PRDM10: variants seen among roughly 807,000 people sequenced by gnomAD.
PRDM10 encodes PR domain zinc finger protein 10.
A neutral mutation model predicts 133.1 loss-of-function variants in PRDM10; 65 were observed. The ratio of observed to expected loss-of-function variants is 0.49; its 90% CI spans 0.40 to 0.60. The LOEUF is 0.60. Among genes scored for constraint, PRDM10 ranks in the 20% least tolerant of loss-of-function variants. The pLI is 0.00. For missense variants in PRDM10, 1,137 were observed against 1,507.1 expected (o/e 0.75, Z 4.07); for synonymous variants, 582 against 580.4 (o/e 1.00, Z -0.04).
chr11:129,992,799 G>A (rs1000929551), intron 1 of PRDM10, among the ~76,000 whole-genome samples: 13 of 152,158 alleles, frequency 8.5e-5, no homozygotes, highest in African/African-American at 2.9e-4. Flanking sequence ...AACTGAAGAA[G>A]ACATTGGATG....
rs1402908696 is a variant in PRDM10 at position 129,902,282 on chromosome 11, T to C, written c.*31A>G. 1 of 1,607,096 alleles carries C rather than the reference T, an allele frequency of 6.2e-7. No homozygotes were observed. The highest frequency in any genetic ancestry group is 8.5e-7 in the Non-Finnish European group (1 of 1,175,200). Reference sequence around the variant, plus strand: ...CAGACTTATGAGAACAGACATGAGGTGGGTGCTGGATTCAAGCTCCAGGGT... The same window carrying C: ...CAGACTTATGAGAACAGACATGAGGCGGGTGCTGGATTCAAGCTCCAGGGT... On this transcript the variant is annotated 3_prime_UTR_variant, in exon 21 of 21. Coordinates refer to ENST00000360871, the MANE Select transcript of PRDM10 (RefSeq NM_199437.2).
intron 1 of PRDM10, among the ~76,000 whole-genome samples, chr11:129,961,717 A>G (rs571761772): frequency 1.8e-4 from 28 of 152,172 alleles, no homozygotes; most frequent in Non-Finnish European, 3.5e-4. Context: ...AAGAAATTTT[A>G]AAAAAATAAT....
At position 129,902,614 on chromosome 11, in the gene PRDM10, AC is replaced by A; in HGVS notation, c.3268-99del. The A allele has an allele frequency of 4.0e-6, 6 of 1,483,174 alleles. No individual in the cohort carries two copies. The South Asian group carries it at 8.2e-5, about 20-fold the overall frequency. 91.9% of individuals were successfully genotyped at this position (1,483,174 alleles called of 1,614,324 possible). ...GAGATGTGAAGAAATGTCACAAGGG[AC>A]CCAAAATAGGCATCTATGAGAGATG... On this transcript the variant is annotated intron_variant, in intron 20 of 20. Transcript: ENST00000360871.
chr11:129,932,367 A>C, intron 9 of PRDM10, 136 bp from the exon 10 acceptor site: 1 of 1,141,470 alleles, frequency 8.8e-7, no homozygotes, highest in South Asian at 1.8e-5. Flanking sequence ...TCTCCAATAG[A>C]AACAACTGTT....
intron 1 of PRDM10, among the ~76,000 whole-genome samples, chr11:129,962,808 T>C (rs1476281370): frequency 2.0e-5 from 3 of 152,150 alleles, no homozygotes; most frequent in African/African-American, 7.2e-5. Flanking sequence ...CTATGGTATA[T>C]AAACTATATC....
intron 1 of PRDM10, among the ~76,000 whole-genome samples, chr11:130,000,414 G>C (rs1299131372): frequency 6.6e-6 from 1 of 152,186 alleles, no homozygotes. Flanking sequence ...CAGGCAAGCA[G>C]AAACTTAGGT....
At chr11:129,961,838 T>C (rs1378122233) in intron 1 of PRDM10, among the ~76,000 whole-genome samples, 2 of 152,158 alleles carry the variant, frequency 1.3e-5, no homozygotes, top group African/African-American at 4.8e-5. Flanking sequence ...TGTGTATACA[T>C]AAATGTGTGC....
At chr11:129,980,444 C>T (rs996792048) in intron 1 of PRDM10, among the ~76,000 whole-genome samples, 4 of 152,066 alleles carry the variant, frequency 2.6e-5, no homozygotes, top group African/African-American at 7.3e-5. Flanking sequence ...TCAAGATGCT[C>T]ACTCCTTTTG....
rs1443569996 is a variant in PRDM10, at chr11:129,910,585, G to A, written c.3054C>T (p.Gly1018=). 5.0e-6 allele frequency: 8 copies of A among 1,613,878 alleles called. No homozygotes were observed. The highest frequency in any genetic ancestry group is 6.8e-6 in the Non-Finnish European group (8 of 1,179,954). Residue 1018 remains glycine, a synonymous_variant, in exon 19 of 21, where the codon GGC becomes GGT. Coordinates refer to ENST00000360871, the MANE Select transcript of PRDM10 (RefSeq NM_199437.2). ...QQGLSPSHIQ[G]SSSTQGQALQ... ...GAGCCTGCCCCTGTGTGGAAGAACT[G>A]CCCTGGATGTGGGAGGGGCTGAGCC...
rs1487919562 is a variant in PRDM10, at chr11:129,929,291, T to C, written c.1530+1725A>G. On this transcript the variant is annotated intron_variant, in intron 11 of 20. Transcript: ENST00000360871. ...AATTATCATTATTCATTAATTTGCA[T>C]TTACTGTAGCAACCAAACTGTGGTT... The C allele has an allele frequency of 4.4e-6, 4 of 913,444 alleles. No individual in the cohort carries two copies. The African/African-American group carries it at 6.9e-5, about 16-fold the overall frequency. 56.6% of individuals were successfully genotyped at this position (913,444 alleles called of 1,614,324 possible). A position where few individuals can be genotyped will look rare whatever the true frequency, so the allele number is the denominator to read the frequency against.
At chr11:129,940,396 A>G (rs1951169803) in intron 7 of PRDM10, among the ~76,000 whole-genome samples, 1 of 152,244 alleles carries the variant, frequency 6.6e-6, no homozygotes, top group Non-Finnish European at 1.5e-5. Context: ...TATTTTTGCT[A>G]TATACTTCCA....
intron 12 of PRDM10, among the ~76,000 whole-genome samples, 177 bp downstream of exon 12, chr11:129,924,705 G>T (rs1045893867): frequency 2.0e-5 from 3 of 152,096 alleles, no homozygotes; most frequent in Non-Finnish European, 4.4e-5. Flanking sequence ...ACAATTAAGG[G>T]TCATAATAAT....
At chr11:129,935,268 G>A (rs1451865025) in intron 8 of PRDM10, 50 bp from the exon 9 acceptor site, 1 of 1,404,398 alleles carries the variant, frequency 7.1e-7, no homozygotes, top group Admixed American at 1.7e-5. Context: ...ATAGACACCA[G>A]TAAAACTCAA....
intron 6 of PRDM10, among the ~76,000 whole-genome samples, chr11:129,943,274 G>A (rs1020147198): frequency 2.0e-5 from 3 of 152,174 alleles, no homozygotes; most frequent in Non-Finnish European, 2.9e-5. Flanking sequence ...GAGTCTACAG[G>A]TCAGACCTGT....
chr11:129,913,934 G>A (rs1010395217), intron 17 of PRDM10, among the ~76,000 whole-genome samples: 1 of 152,164 alleles, frequency 6.6e-6, no homozygotes, highest in Non-Finnish European at 1.5e-5. Flanking sequence ...ATAAGAATGA[G>A]TTATTCATTA....
chr11:129,969,869 A>G (rs1951982068), intron 1 of PRDM10, among the ~76,000 whole-genome samples: 1 of 152,218 alleles, frequency 6.6e-6, no homozygotes. Context: ...CCTGTATGTC[A>G]AGAAACAGAA....
chr11:129,923,552 CCT>C lies in PRDM10; in HGVS notation c.1879-151_1879-150del. The C allele has an allele frequency of 1.3e-6, 1 of 775,462 alleles. No individual in the cohort carries two copies. The highest frequency in any genetic ancestry group is 1.9e-6 in the Non-Finnish European group (1 of 517,078). 48.0% of individuals were successfully genotyped at this position (775,462 alleles called of 1,614,324 possible). A position where few individuals can be genotyped will look rare whatever the true frequency, so the allele number is the denominator to read the frequency against. ...GAATCCAATCAGATGTGATAATTGG[CCT>C]CAATAACACATACTGTCCCTGTCAC... On this transcript the variant is annotated intron_variant, in intron 12 of 20. Coordinates refer to ENST00000360871, the MANE Select transcript of PRDM10 (RefSeq NM_199437.2). This position sits in a 1 kb window ranked among gnomAD's most constrained non-coding sequence, Gnocchi z 4.4.
In PRDM10 at chr11:129,945,785, C is replaced by T. The variant is rs1467019051; in HGVS notation, c.521-773G>A. ...CAGGCCATGCCCACAACCCTTAACA[C>T]ACTTAACATGCTTTACCTTACTCCA... On this transcript the variant is annotated intron_variant, in intron 5 of 20. Transcript: ENST00000360871. This position sits in a 1 kb window ranked among gnomAD's most constrained non-coding sequence, Gnocchi z 4.2. Among the ~76,000 whole-genome samples, 1 of 152,216 alleles carries T rather than the reference C, an allele frequency of 6.6e-6. No homozygotes were observed. The highest frequency in any genetic ancestry group is 1.5e-5 in the Non-Finnish European group (1 of 68,036).
chr11:129,971,099 T>A (rs191889426), intron 1 of PRDM10, among the ~76,000 whole-genome samples: 1 of 152,114 alleles, frequency 6.6e-6, no homozygotes, highest in African/African-American at 2.4e-5. Flanking sequence ...TTCCTTCTGG[T>A]GGGTTCATGG....
Sources: gnomAD v4.1 joint callset for allele counts (sites outside exome capture counted in the v4.1 genomes callset) on GRCh38, gnomAD v4.1.1 for gene constraint, Gnocchi (gnomAD v3.1) non-coding constraint, MANE v1.5 for transcripts, NCBI Gene and HGNC (gene_info 2026-07-23, HGNC 2026-07-21) for gene names.